Variants in TMEM135 observed in about 807,000 individuals in gnomAD.
TMEM135 encodes the protein peroxisomal membrane protein 52.
A neutral mutation model predicts 60.3 loss-of-function variants in TMEM135; 30 were observed. The ratio of observed to expected loss-of-function variants is 0.50; its 90% CI spans 0.37 to 0.68. The LOEUF (loss-of-function observed/expected upper bound fraction) is 0.68. TMEM135 is among the 30% of genes least tolerant of loss of function. The probability of loss-of-function intolerance (pLI) is 0.00; values close to 1 mark genes in which losing one functional copy is unlikely to be tolerated. For missense variants in TMEM135, 468 were observed against 548.8 expected (o/e 0.85, Z 1.47); for synonymous variants, 190 against 186.7 (o/e 1.02, Z -0.14).
chr11:87,176,969 G>C (rs1939387083), intron 5 of TMEM135, among the ~76,000 whole-genome samples: 1 of 152,146 alleles, frequency 6.6e-6, no homozygotes, highest in African/African-American at 2.4e-5. Flanking sequence ...CCAGTGCTGA[G>C]TGCAAATCTG....
rs1379986480 is a variant in TMEM135, at chr11:87,071,569, G to A, written c.316G>A (p.Ala106Thr). 2.5e-6 allele frequency: 4 copies of A among 1,613,586 alleles called. No individual in the cohort carries two copies. Among genetic ancestry groups the A allele is most frequent in the South Asian group, 2.2e-5 (2 of 91,036 alleles). Residue 106 changes from alanine to threonine, a missense_variant, in exon 3 of 15, where the codon GCT becomes ACT. Coordinates refer to ENST00000305494, the MANE Select transcript of TMEM135 (RefSeq NM_022918.4). ...CTCATGGACTCCTGGCTTTGGTGCC[G>A]CTCTGCCAGCATCTTATGTGGCCAT... is the stretch of plus-strand genomic sequence containing the variant. The part of the protein sequence containing the change: ...FYSWTPGFGA[A>T]LPASYVAILI...
intron 5 of TMEM135, chr11:87,178,423 C>T (rs1188458406): frequency 4.4e-6 from 2 of 455,958 alleles, no homozygotes; most frequent in African/African-American, 4.0e-5. Context: ...GTCTGCCTTC[C>T]TTTCCTTAAC....
At chr11:87,267,447 G>A (rs1052262362) in intron 6 of TMEM135, among the ~76,000 whole-genome samples, 1 of 152,080 alleles carries the variant, frequency 6.6e-6, no homozygotes, top group Admixed American at 6.5e-5. Flanking sequence ...TCACATGATT[G>A]TGGGGGCTTT....
intron 4 of TMEM135, among the ~76,000 whole-genome samples, chr11:87,136,828 T>C (rs1442028261): frequency 6.6e-6 from 1 of 152,088 alleles, no homozygotes; most frequent in Non-Finnish European, 1.5e-5. Flanking sequence ...CCCTTTAATT[T>C]CTGAAGAGTT....
chr11:87,242,304 A>G (rs910934169), intron 6 of TMEM135, among the ~76,000 whole-genome samples: 14 of 151,896 alleles, frequency 9.2e-5, no homozygotes, highest in Non-Finnish European at 2.1e-4. Context: ...TAGTGCCGCA[A>G]TAAACATACA....
At chr11:87,241,659 C>T (rs1941136990) in intron 6 of TMEM135, among the ~76,000 whole-genome samples, 1 of 151,922 alleles carries the variant, frequency 6.6e-6, no homozygotes, top group Non-Finnish European at 1.5e-5. Flanking sequence ...TCCACCCTGC[C>T]CCACCACTAT....
intron 3 of TMEM135, among the ~76,000 whole-genome samples, chr11:87,075,108 A>G (rs1461236441): frequency 1.3e-5 from 2 of 151,994 alleles, no homozygotes; most frequent in African/African-American, 2.4e-5. Context: ...CTGGGACTAC[A>G]GGTGCACACC....
intron 4 of TMEM135, chr11:87,095,677 A>G (rs1229526214): frequency 5.5e-6 from 1 of 181,712 alleles, no homozygotes; most frequent in Non-Finnish European, 1.2e-5. Flanking sequence ...TTGTGTCACT[A>G]TTTTAAAAGT....
rs570588456 is a variant in TMEM135, at chr11:87,084,382, A to G, written c.363-6980A>G. Among the ~76,000 whole-genome samples the G allele has an allele frequency of 7.6e-4, 115 of 151,716 alleles. 1 individual carries two copies. The highest frequency in any genetic ancestry group is 2.7e-3 in the African/African-American group (112 of 41,360). On this transcript the variant is annotated intron_variant, in intron 3 of 14. Coordinates refer to ENST00000305494, the MANE Select transcript of TMEM135 (RefSeq NM_022918.4). ...GAGTACAGTGGTACAATCATAGCTC[A>G]CTGCAGCCTTGATCTCTTGGGCACA...
intron 1 of TMEM135, among the ~76,000 whole-genome samples, chr11:87,051,131 A>T (rs1455410629): frequency 5.7e-5 from 4 of 69,824 alleles, no homozygotes; most frequent in African/African-American, 1.9e-4. Context: ...CATGCTAAAA[A>T]CTCTCAATAA....
intron 6 of TMEM135, among the ~76,000 whole-genome samples, chr11:87,284,523 ATCG>A (rs58285628): frequency 0.15 from 22,975 of 152,166 alleles, 2,250 homozygotes; most frequent in African/African-American, 0.27. Flanking sequence ...GTGCACAATT[ATCG>A]TCTGGGGACT....
intron 5 of TMEM135, among the ~76,000 whole-genome samples, chr11:87,160,708 TTAC>T (rs1938847520): frequency 6.6e-6 from 1 of 152,222 alleles, no homozygotes; most frequent in African/African-American, 2.4e-5. Flanking sequence ...ATTCTAATTA[TTAC>T]TATTATCTTT....
At position 87,305,859 on chromosome 11, in the gene TMEM135, A is replaced by T. The variant is rs754492025; in HGVS notation, c.699-77A>T. 731 of 979,976 alleles carry T rather than the reference A, an allele frequency of 7.5e-4. 1 individual carries two copies. Among genetic ancestry groups the T allele is most frequent in the Non-Finnish European group, 1.0e-3 (685 of 659,222 alleles). The allele number at this position is 979,976 out of a possible 1,614,324, so 60.7% of individuals were successfully genotyped here. A position where few individuals can be genotyped will look rare whatever the true frequency, so the allele number is the denominator to read the frequency against. On this transcript the variant is annotated intron_variant, in intron 8 of 14. Transcript: ENST00000305494. ...TTTTTGGTTAGAAAGCTTTAAACAG[A>T]TCCACAAACATGTACAAACACATGG...
chr11:87,239,820 G>A (rs1157158160), intron 6 of TMEM135, among the ~76,000 whole-genome samples: 1 of 151,762 alleles, frequency 6.6e-6, no homozygotes, highest in Non-Finnish European at 1.5e-5. Flanking sequence ...GTCACAAGAT[G>A]TGATGACTAT....
intron 5 of TMEM135, among the ~76,000 whole-genome samples, chr11:87,173,297 A>G (rs1939286787): frequency 6.6e-6 from 1 of 152,206 alleles, no homozygotes; most frequent in Non-Finnish European, 1.5e-5. Flanking sequence ...ATTCATTGAT[A>G]GCGTCCTAAA....
chr11:87,185,798 A>G (rs1244908043), intron 5 of TMEM135, among the ~76,000 whole-genome samples: 1 of 152,208 alleles, frequency 6.6e-6, no homozygotes, highest in Non-Finnish European at 1.5e-5. Context: ...ATTCAAAATG[A>G]TGCATTAGTT....
At chr11:87,274,069 T>G (rs12290427) in intron 6 of TMEM135, among the ~76,000 whole-genome samples, 55,654 of 151,940 alleles carry the variant, frequency 0.37, 10,860 homozygotes, top group Non-Finnish European at 0.43. Context: ...CGGAAATGTA[T>G]TTCTCCTGAC....
chr11:87,199,192 G>C (rs984521647), intron 5 of TMEM135, among the ~76,000 whole-genome samples: 1 of 151,550 alleles, frequency 6.6e-6, no homozygotes, highest in Non-Finnish European at 1.5e-5. Context: ...AAACCCTGTC[G>C]CTACTAAAAA....
chr11:87,260,117 T>C (rs1357528261), intron 6 of TMEM135, among the ~76,000 whole-genome samples: 1 of 152,204 alleles, frequency 6.6e-6, no homozygotes, highest in Non-Finnish European at 1.5e-5. Context: ...TTTTGAGCTC[T>C]TTGGGCATGT....
Sources: allele counts gnomAD v4.1 joint callset (sites outside exome capture counted in the v4.1 genomes callset), GRCh38; gene constraint gnomAD v4.1.1; transcripts MANE v1.5; gene names NCBI Gene and HGNC (gene_info 2026-07-23, HGNC 2026-07-21).